The following PPP1R12A variants were observed in gnomAD, a reference collection of about 807,000 sequenced individuals.
The protein encoded by PPP1R12A is myosin binding subunit.
In PPP1R12A, 19 loss-of-function variants were observed where a neutral mutation model predicts 139.6. The ratio of observed to expected loss-of-function variants is 0.14; its 90% confidence interval spans 0.09 to 0.20. The LOEUF (loss-of-function observed/expected upper bound fraction) is 0.20. Among genes scored for constraint, PPP1R12A ranks in the 10% least tolerant of loss-of-function variants. The pLI is 1.00. For synonymous variants in PPP1R12A, 427 were observed against 420.6 expected (o/e 1.02, Z -0.19); for missense variants, 925 against 1,211.5 (o/e 0.76, Z 3.51).
intron 1 of PPP1R12A, among the ~76,000 whole-genome samples, chr12:79,900,572 T>C (rs1212122561): frequency 6.6e-6 from 1 of 152,210 alleles, no homozygotes; most frequent in East Asian, 1.9e-4. Context: ...TTAAACCTAA[T>C]ACCCATGAAC....
At chr12:79,778,528 A>G (rs1870022281) in intron 24 of PPP1R12A, 22 bp downstream of exon 24, 4 of 1,452,288 alleles carry the variant, frequency 2.8e-6, no homozygotes, top group Non-Finnish European at 3.7e-6. Flanking sequence ...ACTCTCTCTC[A>G]TAAGTAACAT....
At chr12:79,853,146 T>C (rs1165951213) in intron 2 of PPP1R12A, among the ~76,000 whole-genome samples, 2 of 152,144 alleles carry the variant, frequency 1.3e-5, no homozygotes, top group African/African-American at 4.8e-5. Context: ...CAGCTATGAG[T>C]GTGACCAATG....
chr12:79,919,548 C>A (rs1429753074), intron 1 of PPP1R12A, among the ~76,000 whole-genome samples: 1 of 149,990 alleles, frequency 6.7e-6, no homozygotes, highest in African/African-American at 2.5e-5. Context: ...GAGTGAGACT[C>A]CATCTCAAAA....
intron 23 of PPP1R12A, chr12:79,779,156 C>A: frequency 2.4e-6 from 1 of 422,720 alleles, no homozygotes; most frequent in Non-Finnish European, 4.3e-6. Flanking sequence ...AAAGCAACTG[C>A]AGCGTTTATT....
chr12:79,788,897 C>T, intron 20 of PPP1R12A, 114 bp from the exon 21 acceptor site: 1 of 850,358 alleles, frequency 1.2e-6, no homozygotes, highest in East Asian at 2.8e-5. Flanking sequence ...CACAGTCTCC[C>T]TCTGTTATCT....
At chr12:79,927,889 T>A (rs1188502920) in intron 1 of PPP1R12A, among the ~76,000 whole-genome samples, 1 of 152,184 alleles carries the variant, frequency 6.6e-6, no homozygotes, top group African/African-American at 2.4e-5. Flanking sequence ...CATCATCTTC[T>A]CAACCTTATT....
chr12:79,812,299 C>T (rs1478387868), intron 9 of PPP1R12A, among the ~76,000 whole-genome samples: 1 of 151,768 alleles, frequency 6.6e-6, no homozygotes, highest in Non-Finnish European at 1.5e-5. Context: ...CTCCATTAAA[C>T]TCTCTTCTTT....
At chr12:79,805,264 T>C (rs1873683846) in intron 14 of PPP1R12A, among the ~76,000 whole-genome samples, 1 of 152,214 alleles carries the variant, frequency 6.6e-6, no homozygotes, top group African/African-American at 2.4e-5. Flanking sequence ...GCATCTAATT[T>C]TCCCTAAGTG....
At chr12:79,810,093 G>C in intron 9 of PPP1R12A, 83 bp from the exon 10 acceptor site, 1 of 1,037,358 alleles carries the variant, frequency 9.6e-7, no homozygotes, top group East Asian at 2.6e-5. Flanking sequence ...TAAGTTTACA[G>C]ATAATATATT....
At chr12:79,929,670 G>A (rs1025190072) in intron 1 of PPP1R12A, among the ~76,000 whole-genome samples, 2 of 152,008 alleles carry the variant, frequency 1.3e-5, no homozygotes, top group African/African-American at 2.4e-5. Context: ...TTGGGAGGCT[G>A]TGGCAGGAGA....
At chr12:79,907,208 T>G (rs760338927) in intron 1 of PPP1R12A, among the ~76,000 whole-genome samples, 1 of 152,184 alleles carries the variant, frequency 6.6e-6, no homozygotes, top group South Asian at 2.1e-4. Context: ...TTTTGATATA[T>G]TTTCCAATCA....
chr12:79,902,496 CAACA>C (rs1421405553), intron 1 of PPP1R12A, among the ~76,000 whole-genome samples: 4 of 151,904 alleles, frequency 2.6e-5, no homozygotes, highest in South Asian at 2.1e-4. Flanking sequence ...AGATTCAGTT[CAACA>C]AACATTTACC....
At chr12:79,918,679 G>A (rs909792742) in intron 1 of PPP1R12A, among the ~76,000 whole-genome samples, 2 of 152,066 alleles carry the variant, frequency 1.3e-5, no homozygotes, top group African/African-American at 4.8e-5. Context: ...TCATCTCATA[G>A]TCATCTCTCT....
chr12:79,799,686 C>T (rs916805835), intron 14 of PPP1R12A, among the ~76,000 whole-genome samples: 4 of 152,104 alleles, frequency 2.6e-5, no homozygotes, highest in Non-Finnish European at 5.9e-5. Flanking sequence ...ACGGGGTATG[C>T]ACCTTTTCAA....
intron 1 of PPP1R12A, among the ~76,000 whole-genome samples, chr12:79,884,090 T>TA (rs1274786254): frequency 1.3e-5 from 2 of 152,222 alleles, no homozygotes; most frequent in East Asian, 3.9e-4. Context: ...CAAAGCCAAA[T>TA]ACGGTGAGGT....
intron 1 of PPP1R12A, among the ~76,000 whole-genome samples, chr12:79,899,076 C>T (rs939727161): frequency 6.6e-6 from 1 of 152,010 alleles, no homozygotes; most frequent in Non-Finnish European, 1.5e-5. Flanking sequence ...CATTTATTTA[C>T]ACATTAATAC....
At chr12:79,822,886 T>C (rs1475848820) in intron 5 of PPP1R12A, among the ~76,000 whole-genome samples, 1 of 151,902 alleles carries the variant, frequency 6.6e-6, no homozygotes, top group African/African-American at 2.4e-5. Flanking sequence ...TGTGGACACC[T>C]GTTTTCATTT....
chr12:79,906,671 G>C (rs985826736), intron 1 of PPP1R12A, among the ~76,000 whole-genome samples: 7 of 152,010 alleles, frequency 4.6e-5, no homozygotes, highest in Non-Finnish European at 8.8e-5. Flanking sequence ...GTCCCACTCT[G>C]TTGTCCAGGC....
At chr12:79,815,239 C>T (rs1387263009) in intron 9 of PPP1R12A, among the ~76,000 whole-genome samples, 1 of 151,990 alleles carries the variant, frequency 6.6e-6, no homozygotes, top group Non-Finnish European at 1.5e-5. Flanking sequence ...AGCCAAATAC[C>T]CAAAAGATAG....
Sources: allele counts gnomAD v4.1 joint callset (sites outside exome capture counted in the v4.1 genomes callset), GRCh38; gene constraint gnomAD v4.1.1; transcripts MANE v1.5; gene names NCBI Gene and HGNC (gene_info 2026-07-23, HGNC 2026-07-21).